The following ALDH1L1 variants were observed in gnomAD, a reference collection of about 807,000 sequenced individuals.
ALDH1L1 encodes cytosolic 10-formyltetrahydrofolate dehydrogenase.
Under a neutral mutation model 101.1 loss-of-function variants are expected in ALDH1L1, and 68 were observed. The ratio of observed to expected loss-of-function variants is 0.67; its 90% CI spans 0.55 to 0.82. ALDH1L1 has a LOEUF of 0.82. Among genes scored for constraint, ALDH1L1 ranks in the 40% least tolerant of loss-of-function variants. The pLI, the probability that ALDH1L1 is intolerant of heterozygous loss-of-function variation, is 0.00. For missense variants in ALDH1L1, 1,087 were observed against 1,172.7 expected, an observed-to-expected ratio of 0.93 and a Z score of 1.07; for synonymous variants, 486 against 470.8, an observed-to-expected ratio of 1.03 and a Z score of -0.42.
intron 1 of ALDH1L1, among the ~76,000 whole-genome samples, chr3:126,197,207 T>C (rs541810835): frequency 1.4e-4 from 22 of 152,356 alleles, no homozygotes; most frequent in African/African-American, 4.6e-4. Context: ...CTGTAAGTTA[T>C]CTTTAGTAAC....
At chr3:126,170,431 A>AAG (rs1228119660) in intron 1 of ALDH1L1, among the ~76,000 whole-genome samples, 4 of 149,906 alleles carry the variant, frequency 2.7e-5, no homozygotes, top group African/African-American at 7.6e-5. Flanking sequence ...CATTAAAAAA[A>AAG]AAAAAAAAAA....
In ALDH1L1 at chr3:126,103,659, C is replaced by CA; in HGVS notation, c.*131dup. 1 of 926,018 alleles carries CA rather than the reference C, an allele frequency of 1.1e-6. No individual in the cohort carries two copies. Among genetic ancestry groups the CA allele is most frequent in the East Asian group, 2.6e-5 (1 of 38,082 alleles). The allele number at this position is 926,018 out of a possible 1,614,324, so 57.4% of individuals were successfully genotyped here. ...GACTGGACAGAGGGCGTCCAAGATG[C>CA]AGACATGGTGTGCAGGCAGGAGGGC... On this transcript the variant is annotated 3_prime_UTR_variant, in exon 23 of 23. Transcript: ENST00000393434.
chr3:126,140,489 T>G (rs183408423), intron 9 of ALDH1L1, among the ~76,000 whole-genome samples: 1 of 152,196 alleles, frequency 6.6e-6, no homozygotes, highest in African/African-American at 2.4e-5. Context: ...GGCCACTACA[T>G]AGGTAAGTAT....
chr3:126,112,130 C>T (rs984455899), intron 19 of ALDH1L1, among the ~76,000 whole-genome samples: 7 of 152,324 alleles, frequency 4.6e-5, no homozygotes, highest in Middle Eastern at 3.4e-3. Context: ...CAGGATGGCC[C>T]ATCTGTCCCG....
intron 22 of ALDH1L1, chr3:126,104,101 T>G: frequency 1.8e-6 from 1 of 564,138 alleles, no homozygotes; most frequent in Non-Finnish European, 3.2e-6. Flanking sequence ...TCCCACCGCC[T>G]TGTCTGGACA....
chr3:126,182,133 C>A (rs1405841208), upstream of ALDH1L1, among the ~76,000 whole-genome samples: 1 of 151,774 alleles, frequency 6.6e-6, no homozygotes, highest in Non-Finnish European at 1.5e-5. Flanking sequence ...TCTTCATGAA[C>A]CTCTCTCAAC....
chr3:126,127,417 G>A (rs4646737), intron 14 of ALDH1L1, among the ~76,000 whole-genome samples: 96,049 of 151,916 alleles, frequency 0.63, 30,448 homozygotes, highest in Middle Eastern at 0.7. Flanking sequence ...CCTCCCTTGG[G>A]GCCATTCTCC....
intron 9 of ALDH1L1, among the ~76,000 whole-genome samples, chr3:126,145,702 C>T (rs935746554): frequency 7.2e-5 from 11 of 152,156 alleles, no homozygotes; most frequent in African/African-American, 2.2e-4. Context: ...GGCTGTTCAA[C>T]GGACAGAAAG....
chr3:126,153,251 G>A (rs1168747582), intron 7 of ALDH1L1, 193 bp downstream of exon 7: 1 of 803,652 alleles, frequency 1.2e-6, no homozygotes, highest in Non-Finnish European at 2.0e-6. Flanking sequence ...AGAGAAGTGG[G>A]TAAACTGCCT....
intron 12 of ALDH1L1, among the ~76,000 whole-genome samples, chr3:126,132,332 G>A (rs553372643): frequency 1.2e-3 from 188 of 152,254 alleles, no homozygotes; most frequent in African/African-American, 3.9e-3. Flanking sequence ...CAGGCACCAT[G>A]AAGCCCACAC....
intron 9 of ALDH1L1, among the ~76,000 whole-genome samples, chr3:126,144,674 T>C (rs1300561752): frequency 1.3e-5 from 2 of 152,150 alleles, no homozygotes; most frequent in Non-Finnish European, 2.9e-5. Flanking sequence ...ATCGGATCCT[T>C]ATCTTGCCCC....
In ALDH1L1 at chr3:126,149,997, C is replaced by T. The variant is rs141411265; in HGVS notation, c.984+409G>A. 3.8e-3 allele frequency among the ~76,000 whole-genome samples: 580 copies of T among 152,304 alleles called. 3 individuals are homozygous for T. The highest frequency in any genetic ancestry group is 0.017 in the Middle Eastern group (5 of 294). On this transcript the variant is annotated intron_variant, in intron 8 of 22. Coordinates refer to ENST00000393434, the MANE Select transcript of ALDH1L1 (RefSeq NM_012190.4). ...ATTGGGGCAAAGCTGGATTGGAGAC[C>T]AGGTGTGCCTTATGGGCAGCTTGTG...
chr3:126,150,374 A>T (rs368147173), intron 8 of ALDH1L1, 32 bp downstream of exon 8: 1 of 1,548,100 alleles, frequency 6.5e-7, no homozygotes, highest in African/African-American at 1.4e-5. Flanking sequence ...CAACCTGCCC[A>T]ACTGGATGGC....
chr3:126,148,743 T>C (rs561091661), intron 8 of ALDH1L1, among the ~76,000 whole-genome samples: 1 of 152,268 alleles, frequency 6.6e-6, no homozygotes, highest in East Asian at 1.9e-4. Context: ...ACGCCGCTCT[T>C]CCAGGAGGAT....
chr3:126,130,408 G>GC, intron 13 of ALDH1L1, 115 bp from the exon 14 acceptor site: 1 of 860,218 alleles, frequency 1.2e-6, no homozygotes, highest in South Asian at 3.2e-5. Context: ...CAGCTTAGGT[G>GC]TGACCTGAGG....
chr3:126,124,119 A>G, intron 16 of ALDH1L1, among the ~76,000 whole-genome samples: 1 of 27,454 alleles, frequency 3.6e-5, no homozygotes, highest in South Asian at 6.8e-4. Flanking sequence ...GGACACACAC[A>G]CACACACACA....
Position 126,107,097 on chromosome 3 carries a change from T to G in ALDH1L1, c.2453+44A>C, listed in dbSNP as rs143576975. 1.5e-5 allele frequency: 24 copies of G among 1,549,374 alleles called. No individual in the cohort carries two copies. In the East Asian group the frequency reaches 5.4e-4, roughly 35 times the overall value. ...CCCACATGAAGACCCCAGTAACACG[T>G]GGGAGAGAGTCAGGGCCCTTGAGAC... is the stretch of plus-strand genomic sequence containing the variant. On this transcript the variant is annotated intron_variant, in intron 21 of 22. Coordinates refer to ENST00000393434, the MANE Select transcript of ALDH1L1 (RefSeq NM_012190.4).
intron 14 of ALDH1L1, 194 bp downstream of exon 14, chr3:126,130,029 T>C: frequency 1.3e-5 from 6 of 478,386 alleles, no homozygotes. Flanking sequence ...CCAGTGTTAC[T>C]GGGAGATTAA....
At chr3:126,175,705 G>A (rs2081354918) in intron 1 of ALDH1L1, among the ~76,000 whole-genome samples, 1 of 152,276 alleles carries the variant, frequency 6.6e-6, no homozygotes, top group East Asian at 1.9e-4. Flanking sequence ...ACTTGATAAA[G>A]AAGATCTATG....
Sources: gnomAD v4.1 joint callset for allele counts (sites outside exome capture counted in the v4.1 genomes callset) on GRCh38, gnomAD v4.1.1 for gene constraint, MANE v1.5 for transcripts, NCBI Gene and HGNC (gene_info 2026-07-23, HGNC 2026-07-21) for gene names.